Variants in DCBLD2 observed in about 807,000 individuals in gnomAD.
DCBLD2 encodes discoidin, CUB and LCCL domain containing 2, also known as discoidin, CUB and LCCL domain-containing protein 2.
Under a neutral mutation model 86.8 loss-of-function variants are expected in DCBLD2, and 54 were observed. The observed-to-expected ratio is 0.62, with a 90% confidence interval of 0.50 to 0.78. DCBLD2 has a LOEUF of 0.78. Ranked by LOEUF, DCBLD2 falls within the 30% of genes least tolerant of loss-of-function variation. DCBLD2 has a pLI of 0.00. For missense variants in DCBLD2, 908 were observed against 954.2 expected, an observed-to-expected ratio of 0.95 and a Z score of 0.64; for synonymous variants, 354 against 341.3, an observed-to-expected ratio of 1.04 and a Z score of -0.41.
intron 3 of DCBLD2, among the ~76,000 whole-genome samples, chr3:98,839,069 TG>T (rs1559781286): frequency 6.6e-6 from 1 of 152,160 alleles, no homozygotes; most frequent in African/African-American, 2.4e-5. Context: ...GGGATCCTGT[TG>T]ATCTGTGACC....
At chr3:98,869,958 G>A (rs114648344) in intron 2 of DCBLD2, among the ~76,000 whole-genome samples, 2,498 of 152,286 alleles carry the variant, frequency 0.016, 55 homozygotes, top group African/African-American at 0.056. Context: ...TTCCAAAGTT[G>A]ATATACTAGA....
chr3:98,797,080 CA>C lies in DCBLD2; in HGVS notation c.*2291del, dbSNP rs1941619476. 1.4e-5 allele frequency: 2 copies of C among 143,388 alleles called. No individual in the cohort carries two copies. Among genetic ancestry groups the C allele is most frequent in the African/African-American group, 5.1e-5 (2 of 38,922 alleles). The allele number at this position is 143,388 out of a possible 1,614,324, so 8.9% of individuals were successfully genotyped here. ...AATAGAAAACCTCTACTATAAAAACCAATGAACTAAAAAGAAGTATAAAGCA... is the reference window on the plus strand; with the variant it reads ...AATAGAAAACCTCTACTATAAAAACCATGAACTAAAAAGAAGTATAAAGCA... On this transcript the variant is annotated 3_prime_UTR_variant, in exon 16 of 16. Coordinates refer to ENST00000326840, the MANE Select transcript of DCBLD2 (RefSeq NM_080927.4).
rs779350740 is a variant in DCBLD2, at chr3:98,822,718, A to T, written c.647T>A (p.Leu216Gln). ...EFSKYCPAGCLLPFAEISGTI... is the reference protein window; with the variant it reads ...EFSKYCPAGCQLPFAEISGTI... ...TCCAGATATCTCAGCAAAAGGAAGC[A>T]GACAACCAGCTGGGCAGTACTTACT... Residue 216 changes from leucine (L) to glutamine (Q), a missense_variant, in exon 5 of 16, where the codon CTG (leucine) becomes CAG (glutamine). By Grantham distance (113) the Leu-to-Gln change is moderately radical (BLOSUM62 -2). Transcript: ENST00000326840. 3 of 1,598,698 alleles carry T rather than the reference A, an allele frequency of 1.9e-6. No individual in the cohort carries two copies. The Admixed American group carries it at 5.2e-5, about 28-fold the overall frequency.
intron 3 of DCBLD2, among the ~76,000 whole-genome samples, chr3:98,834,720 C>G (rs1227595352): frequency 4.0e-5 from 6 of 151,816 alleles, no homozygotes; most frequent in African/African-American, 1.4e-4. Context: ...TAGATTGATT[C>G]TATATTTTAG....
intron 2 of DCBLD2, among the ~76,000 whole-genome samples, chr3:98,867,888 C>T (rs959207641): frequency 1.3e-5 from 2 of 151,724 alleles, no homozygotes; most frequent in Admixed American, 1.3e-4. Flanking sequence ...CTGCAAGCTC[C>T]GCCTCCCAGG....
Position 98,798,659 on chromosome 3 carries a change from C to T in DCBLD2, c.*713G>A, listed in dbSNP as rs988517484. ...AGGCAAGCATCACTCATCAGAAATA[C>T]TCAAACATTTTATAAACACAAGAAT... On this transcript the variant is annotated 3_prime_UTR_variant, in exon 16 of 16. Coordinates refer to ENST00000326840, the MANE Select transcript of DCBLD2 (RefSeq NM_080927.4). 1 of 152,156 alleles carries T rather than the reference C, an allele frequency of 6.6e-6. No homozygotes were observed. The highest frequency in any genetic ancestry group is 1.9e-4 in the East Asian group (1 of 5,196). The allele number at this position is 152,156 out of a possible 1,614,324, so 9.4% of individuals were successfully genotyped here.
chr3:98,876,377 A>G, intron 2 of DCBLD2, among the ~76,000 whole-genome samples: 1 of 142,596 alleles, frequency 7.0e-6, no homozygotes, highest in East Asian at 2.0e-4. Context: ...AAAACTTGAC[A>G]GAAAAACGGG....
At chr3:98,889,266 A>G (rs1017468596) in intron 1 of DCBLD2, among the ~76,000 whole-genome samples, 1 of 152,130 alleles carries the variant, frequency 6.6e-6, no homozygotes, top group African/African-American at 2.4e-5. Context: ...AATGGGTTCC[A>G]GCCTCAGATG....
At chr3:98,900,934 G>A (rs1272376796) in intron 1 of DCBLD2, 188 bp downstream of exon 1, 19 of 1,032,388 alleles carry the variant, frequency 1.8e-5, no homozygotes, top group Non-Finnish European at 2.6e-5. Flanking sequence ...GTAAAGCCGC[G>A]CCAACTTGGG....
intron 3 of DCBLD2, among the ~76,000 whole-genome samples, chr3:98,828,460 C>T (rs1942263584): frequency 6.6e-6 from 1 of 152,152 alleles, no homozygotes; most frequent in Non-Finnish European, 1.5e-5. Flanking sequence ...TAAAAAGATG[C>T]TCAGCATCAT....
intron 1 of DCBLD2, among the ~76,000 whole-genome samples, chr3:98,892,355 A>G (rs1274014957): frequency 6.6e-6 from 1 of 152,066 alleles, no homozygotes; most frequent in African/African-American, 2.4e-5. Context: ...GCCTCTGTTT[A>G]TCTAGTACCC....
At chr3:98,819,078 G>C in intron 8 of DCBLD2, 124 bp downstream of exon 8, 1 of 971,254 alleles carries the variant, frequency 1.0e-6, no homozygotes, top group Non-Finnish European at 1.5e-6. Context: ...CATCAGTGAA[G>C]AAAATATAAA....
chr3:98,857,418 T>C (rs1365181338), intron 2 of DCBLD2, among the ~76,000 whole-genome samples: 2 of 151,966 alleles, frequency 1.3e-5, no homozygotes, highest in African/African-American at 4.8e-5. Flanking sequence ...TATTCTCTTA[T>C]CTGGCCCAAC....
chr3:98,806,706 G>C (rs897182386), intron 13 of DCBLD2, among the ~76,000 whole-genome samples: 2 of 152,136 alleles, frequency 1.3e-5, no homozygotes, highest in African/African-American at 4.8e-5. Context: ...TTGTTGCATG[G>C]CTGAACAAAT....
rs2107414895 is a variant in DCBLD2, at chr3:98,799,788, T to C, written c.1912A>G (p.Thr638Ala). The change falls in exon 16 of 16, where the codon ACC (threonine) becomes GCC (alanine). Residue 638 changes from threonine to alanine, a missense_variant. This residue lies in a region of DCBLD2 where 606 missense variants were observed against 678.5 expected (regional missense o/e 0.89). Transcript: ENST00000326840. ...GIVGTLHQRS[T>A]FKPEEGKEAG... is the part of the protein sequence containing the mutation. ...TCTTTTCCTTCTTCTGGTTTAAAGG[T>C]AGATCTTTGATGAAGTGTACCAACA... 1.2e-6 allele frequency: 2 copies of C among 1,613,884 alleles called. No individual in the cohort carries two copies. The highest frequency in any genetic ancestry group is 1.1e-5 in the South Asian group (1 of 91,058).
chr3:98,893,563 T>A (rs1943698953), intron 1 of DCBLD2, among the ~76,000 whole-genome samples: 1 of 152,082 alleles, frequency 6.6e-6, no homozygotes. Context: ...TTAACAAATA[T>A]CTGCTGTGTG....
chr3:98,803,085 G>T (rs1315565342), intron 13 of DCBLD2, among the ~76,000 whole-genome samples: 1 of 152,184 alleles, frequency 6.6e-6, no homozygotes, highest in African/African-American at 2.4e-5. Flanking sequence ...ATTTTGTGAA[G>T]AAAGTCATTG....
chr3:98,850,944 C>A (rs1193647962), intron 2 of DCBLD2, among the ~76,000 whole-genome samples: 1 of 152,022 alleles, frequency 6.6e-6, no homozygotes, highest in Non-Finnish European at 1.5e-5. Context: ...ATCAGCATAC[C>A]TCAAAATAAT....
intron 1 of DCBLD2, among the ~76,000 whole-genome samples, chr3:98,885,294 G>GT (rs1435243011): frequency 1.3e-5 from 2 of 152,006 alleles, no homozygotes; most frequent in African/African-American, 4.8e-5. Context: ...TGAATGCTTT[G>GT]TATCTCAAAA....
Sources: gnomAD v4.1 joint callset for allele counts (sites outside exome capture counted in the v4.1 genomes callset) on GRCh38, gnomAD v4.1.1 for gene constraint, gnomAD v4.1.1 regional missense constraint, MANE v1.5 for transcripts, NCBI Gene and HGNC (gene_info 2026-07-23, HGNC 2026-07-21) for gene names.